Variants in CCDC171 observed in about 807,000 individuals in gnomAD.
CCDC171 encodes the protein coiled-coil domain containing 171.
Under a neutral mutation model 168.2 loss-of-function variants are expected in CCDC171, and 177 were observed. The ratio of observed to expected loss-of-function variants is 1.05; its 90% CI spans 0.93 to 1.19. The LOEUF is 1.19. Ranked by LOEUF, CCDC171 falls within the 50% of genes most tolerant of loss-of-function variation. The pLI, the probability that CCDC171 is intolerant of heterozygous loss-of-function variation, is 0.00. For missense variants in CCDC171, 1,991 were observed against 1,539.0 expected (o/e 1.29, Z -4.91); for synonymous variants, 687 against 540.8 (o/e 1.27, Z -3.75).
At chr9:15,897,115 G>C (rs1281036212) in intron 24 of CCDC171, among the ~76,000 whole-genome samples, 4 of 151,994 alleles carry the variant, frequency 2.6e-5, no homozygotes, top group Non-Finnish European at 5.9e-5. Context: ...TTATGAGTTA[G>C]ATGAGCTAAT....
chr9:15,752,398 C>T (rs1380008548), intron 18 of CCDC171, among the ~76,000 whole-genome samples: 1 of 152,162 alleles, frequency 6.6e-6, no homozygotes, highest in Non-Finnish European at 1.5e-5. Flanking sequence ...ATTCCACTTA[C>T]TGGTATATAC....
chr9:15,564,563 C>T (rs2039572090), intron 2 of CCDC171, among the ~76,000 whole-genome samples: 1 of 152,232 alleles, frequency 6.6e-6, no homozygotes, highest in Non-Finnish European at 1.5e-5. Context: ...TGTTTCGCTT[C>T]CTTACTTGGT....
chr9:15,950,277 C>A (rs1329132928), intron 25 of CCDC171, among the ~76,000 whole-genome samples: 3 of 151,960 alleles, frequency 2.0e-5, no homozygotes, highest in Non-Finnish European at 2.9e-5. Context: ...CAGAGAACAC[C>A]ACAAAGATAC....
At chr9:15,737,476 A>G (rs1362074398) in intron 16 of CCDC171, among the ~76,000 whole-genome samples, 3 of 152,116 alleles carry the variant, frequency 2.0e-5, no homozygotes, top group Admixed American at 1.3e-4. Flanking sequence ...AAGAAGGGAG[A>G]TATAGGACAC....
chr9:16,106,073 A>T, the CCDC171 span, among the ~76,000 whole-genome samples: 5 of 152,136 alleles, frequency 3.3e-5, no homozygotes, highest in African/African-American at 1.2e-4. Context: ...CTATTGAGTT[A>T]TGAATGAATG....
chr9:15,835,577 G>A (rs1269525134), intron 21 of CCDC171, among the ~76,000 whole-genome samples: 2 of 152,080 alleles, frequency 1.3e-5, no homozygotes, highest in Admixed American at 6.6e-5. Flanking sequence ...ACAGGTGTGC[G>A]CTACCACACC....
chr9:15,656,431 C>T (rs1299684947), intron 7 of CCDC171, among the ~76,000 whole-genome samples: 1 of 152,080 alleles, frequency 6.6e-6, no homozygotes, highest in African/African-American at 2.4e-5. Flanking sequence ...AAGTCTTGCA[C>T]ACAAATGCTC....
intron 24 of CCDC171, among the ~76,000 whole-genome samples, chr9:15,882,860 A>G (rs796782578): frequency 8.0e-6 from 1 of 125,542 alleles, no homozygotes; most frequent in African/African-American, 3.0e-5. Flanking sequence ...TAGGTTTTTT[A>G]TTTGTTTGTT....
At chr9:15,629,398 G>A (rs769567596) in intron 7 of CCDC171, among the ~76,000 whole-genome samples, 2 of 152,182 alleles carry the variant, frequency 1.3e-5, no homozygotes, top group South Asian at 2.1e-4. Flanking sequence ...CTCAGGAGCC[G>A]ATGCTATCAA....
chr9:15,822,264 T>C (rs1368256167), intron 21 of CCDC171, among the ~76,000 whole-genome samples: 1 of 152,020 alleles, frequency 6.6e-6, no homozygotes, highest in Non-Finnish European at 1.5e-5. Flanking sequence ...ATTCAGGACA[T>C]AGGCATGGGC....
chr9:15,750,616 G>C (rs562297382), intron 18 of CCDC171, among the ~76,000 whole-genome samples: 2 of 151,290 alleles, frequency 1.3e-5, no homozygotes, highest in South Asian at 4.2e-4. Context: ...ATGCAAGGCT[G>C]GTTCAACATG....
chr9:15,815,097 C>G (rs942113631), intron 21 of CCDC171, among the ~76,000 whole-genome samples: 2 of 152,112 alleles, frequency 1.3e-5, no homozygotes, highest in Non-Finnish European at 2.9e-5. Flanking sequence ...AACCTTGATC[C>G]AGCTCTTGTT....
At chr9:15,677,248 C>T (rs1367634178) in intron 9 of CCDC171, among the ~76,000 whole-genome samples, 2 of 151,890 alleles carry the variant, frequency 1.3e-5, no homozygotes, top group Admixed American at 1.3e-4. Context: ...TAGTTTAGTT[C>T]TACTTTGAGA....
the CCDC171 span, among the ~76,000 whole-genome samples, chr9:16,082,308 A>C: frequency 1.3e-5 from 2 of 152,202 alleles, no homozygotes; most frequent in African/African-American, 4.8e-5. Flanking sequence ...TTTCTAATCA[A>C]GTGAGTTATG....
At chr9:15,631,310 A>G (rs1167354777) in intron 7 of CCDC171, among the ~76,000 whole-genome samples, 1 of 152,160 alleles carries the variant, frequency 6.6e-6, no homozygotes, top group Non-Finnish European at 1.5e-5. Context: ...GAAGAATCAA[A>G]TAGATGCAAG....
intron 3 of CCDC171, among the ~76,000 whole-genome samples, chr9:15,989,497 G>T (rs370077872): frequency 6.6e-6 from 1 of 152,250 alleles, no homozygotes; most frequent in East Asian, 1.9e-4. Flanking sequence ...CAGAAAAGCC[G>T]AAAATTCTAA....
chr9:15,592,488 G>GC (rs1458558126), intron 5 of CCDC171, among the ~76,000 whole-genome samples: 37 of 152,258 alleles, frequency 2.4e-4, no homozygotes, highest in Non-Finnish European at 3.7e-4. Context: ...AACTGTAAAA[G>GC]TTTTCGCACA....
chr9:15,979,580 A>G (rs1831729685), intron 3 of CCDC171, among the ~76,000 whole-genome samples: 1 of 152,018 alleles, frequency 6.6e-6, no homozygotes, highest in African/African-American at 2.4e-5. Context: ...TATTAATATG[A>G]TGTCTTACAT....
At chr9:15,611,375 G>C (rs2043678474) in intron 6 of CCDC171, among the ~76,000 whole-genome samples, 2 of 152,200 alleles carry the variant, frequency 1.3e-5, no homozygotes, top group Admixed American at 1.3e-4. Context: ...TCTAGACTGT[G>C]TGTTTATATT....
Sources: allele counts gnomAD v4.1 joint callset (sites outside exome capture counted in the v4.1 genomes callset), GRCh38; gene constraint gnomAD v4.1.1; transcripts MANE v1.5; gene names NCBI Gene and HGNC (gene_info 2026-07-23, HGNC 2026-07-21).